Variants in DBX2 observed in about 807,000 individuals in gnomAD.
DBX2 encodes developing brain homeobox 2, also known as homeobox protein DBX2.
In DBX2, 16 loss-of-function variants were observed where a neutral mutation model predicts 17.7. The observed-to-expected ratio is 0.90, with a 90% CI of 0.61 to 1.37. The LOEUF is 1.37. Among genes scored for constraint, DBX2 ranks in the 40% most tolerant of loss-of-function variants. DBX2 has a pLI of 0.00. For synonymous variants in DBX2, 255 were observed against 183.8 expected (o/e 1.39, Z -3.13); for missense variants, 538 against 433.8 (o/e 1.24, Z -2.13).
intron 2 of DBX2, among the ~76,000 whole-genome samples, chr12:45,032,094 G>A (rs567514833): frequency 2.1e-4 from 32 of 149,334 alleles, no homozygotes; most frequent in Non-Finnish European, 3.8e-4. Flanking sequence ...TACTTTCACT[G>A]CCTCTCTAGA....
Position 45,050,607 on chromosome 12 carries a change from C to G in DBX2, c.321G>C (p.Val107=). 1 of 1,550,966 alleles carries G rather than the reference C, an allele frequency of 6.4e-7. No homozygotes were observed. The highest frequency in any genetic ancestry group is 8.7e-7 in the Non-Finnish European group (1 of 1,147,546). The change falls in exon 1 of 4, where the codon GTG becomes GTC. Residue 107 remains valine, a synonymous_variant. Transcript: ENST00000332700. ...TCGCACTGTCCGCAGAGGGACTGAG[C>G]ACTTGAAAAGCCCACCGCGTTCCGT... The part of the protein sequence containing the change: ...APYGTRWAFQ[V]LSPSADSARL...
rs545480732 is a variant in DBX2 at position 45,049,936 on chromosome 12, G to T, written c.403+589C>A. 1.2e-3 allele frequency among the ~76,000 whole-genome samples: 185 copies of T among 152,200 alleles called. 1 individual carries two copies. The highest frequency in any genetic ancestry group is 3.8e-3 in the African/African-American group (158 of 41,514). ...TTCAGCTCAGCACAAATAAAAAGTC[G>T]GCCTTCATTTCTTTGCGCCTAAAGT... On this transcript the variant is annotated intron_variant, in intron 1 of 3. Coordinates refer to ENST00000332700, the MANE Select transcript of DBX2 (RefSeq NM_001004329.3).
chr12:45,044,354 A>C (rs1056915335), intron 1 of DBX2, among the ~76,000 whole-genome samples: 1 of 152,200 alleles, frequency 6.6e-6, no homozygotes, highest in Non-Finnish European at 1.5e-5. Context: ...TTTAATGTAC[A>C]TAAATTTTCT....
Position 45,015,376 on chromosome 12 carries a change from T to A in DBX2, c.*910A>T, listed in dbSNP as rs963505764. On this transcript the variant is annotated 3_prime_UTR_variant, in exon 4 of 4. Coordinates refer to ENST00000332700, the MANE Select transcript of DBX2 (RefSeq NM_001004329.3). ...AGAACTGTGACACCACGGCTTTCTT[T>A]AGTCTTAGCCAGAGGTCACAAACTT... The A allele has an allele frequency of 2.0e-5, 3 of 152,350 alleles. No individual in the cohort carries two copies. Among genetic ancestry groups the A allele is most frequent in the African/African-American group, 7.2e-5 (3 of 41,590 alleles). 9.4% of individuals were successfully genotyped at this position (152,350 alleles called of 1,614,324 possible).
At chr12:45,024,854 G>T (rs530257957) in intron 2 of DBX2, among the ~76,000 whole-genome samples, 1 of 152,306 alleles carries the variant, frequency 6.6e-6, no homozygotes, top group Non-Finnish European at 1.5e-5. Context: ...GAGAAGAGAA[G>T]AGAGAACTGA....
At chr12:45,050,442 G>A in intron 1 of DBX2, 83 bp downstream of exon 1, 4 of 1,492,540 alleles carry the variant, frequency 2.7e-6, no homozygotes, top group Non-Finnish European at 1.8e-6. Context: ...GGCGCAGTGC[G>A]CACCGCCGGC....
At chr12:45,029,836 G>T (rs1057204710) in intron 2 of DBX2, among the ~76,000 whole-genome samples, 1 of 150,806 alleles carries the variant, frequency 6.6e-6, no homozygotes, top group Admixed American at 6.6e-5. Context: ...TGCACTCCAG[G>T]CTAGACGGCA....
At chr12:45,035,891 C>A in intron 2 of DBX2, 128 bp downstream of exon 2, 1 of 844,720 alleles carries the variant, frequency 1.2e-6, no homozygotes, top group Non-Finnish European at 1.8e-6. Flanking sequence ...AATAAGATCG[C>A]TGTGACTTTT....
Position 45,050,855 on chromosome 12 carries a change from G to C in DBX2, c.73C>G (p.Leu25Val). Residue 25 changes from leucine (L) to valine (V), a missense_variant, in exon 1 of 4, where the codon CTC becomes GTC. By Grantham distance (32) the Leu-to-Val change is conservative. Transcript: ENST00000332700. Reference sequence around the variant, plus strand: ...TTGCCAAAGCCGGGCGCAGCGGGGAGGTTGAGGAGCGCGGAGGAAGCCACA... The same window carrying C: ...TTGCCAAAGCCGGGCGCAGCGGGGACGTTGAGGAGCGCGGAGGAAGCCACA... ...DVVASSALLN[L>V]PAAPGFGNLG... The C allele has an allele frequency of 6.5e-7, 1 of 1,538,608 alleles. No individual in the cohort carries two copies.
chr12:45,034,634 C>G (rs192752074), intron 2 of DBX2, among the ~76,000 whole-genome samples: 95 of 152,268 alleles, frequency 6.2e-4, no homozygotes, highest in African/African-American at 2.2e-3. Flanking sequence ...TTCAGCAAGT[C>G]CCTGTATACA....
intron 1 of DBX2, among the ~76,000 whole-genome samples, chr12:45,040,826 T>C (rs1946467279): frequency 6.6e-6 from 1 of 152,120 alleles, no homozygotes; most frequent in Admixed American, 6.6e-5. Flanking sequence ...CCTTTAGTAA[T>C]GGAGAAGAAC....
chr12:45,044,406 A>C (rs1946488097), intron 1 of DBX2, among the ~76,000 whole-genome samples: 1 of 152,166 alleles, frequency 6.6e-6, no homozygotes, highest in African/African-American at 2.4e-5. Flanking sequence ...TTTAATTTTA[A>C]AAATAATAGA....
At chr12:45,029,908 A>AAATAAATAAATC (rs1163517748) in intron 2 of DBX2, among the ~76,000 whole-genome samples, 1 of 150,754 alleles carries the variant, frequency 6.6e-6, no homozygotes, top group South Asian at 2.1e-4. Flanking sequence ...ATAAATAAAT[A>AAATAAATAAATC]AATAAAAATA....
intron 1 of DBX2, among the ~76,000 whole-genome samples, chr12:45,041,011 G>T (rs1378019413): frequency 6.7e-6 from 1 of 148,394 alleles, no homozygotes; most frequent in Non-Finnish European, 1.5e-5. Flanking sequence ...ATGATAGAAG[G>T]TTCCAAAGTA....
chr12:45,017,029 G>C (rs1946327955), intron 3 of DBX2, among the ~76,000 whole-genome samples: 1 of 151,898 alleles, frequency 6.6e-6, no homozygotes, highest in Admixed American at 6.6e-5. Context: ...CAAACAATCT[G>C]CCCGCCTTGG....
At chr12:45,045,213 C>A (rs1232773000) in intron 1 of DBX2, among the ~76,000 whole-genome samples, 1 of 152,106 alleles carries the variant, frequency 6.6e-6, no homozygotes, top group Non-Finnish European at 1.5e-5. Flanking sequence ...AAAGTTGTGT[C>A]CTTTCATTGT....
At chr12:45,026,150 C>T (rs946072862) in intron 2 of DBX2, among the ~76,000 whole-genome samples, 1 of 152,152 alleles carries the variant, frequency 6.6e-6, no homozygotes, top group African/African-American at 2.4e-5. Context: ...GAGTGAGTAG[C>T]AGGTGCCTCT....
At chr12:45,048,752 T>C (rs1265541294) in intron 1 of DBX2, among the ~76,000 whole-genome samples, 1 of 152,222 alleles carries the variant, frequency 6.6e-6, no homozygotes, top group Non-Finnish European at 1.5e-5. Flanking sequence ...CAAGAATAAT[T>C]TGTTAAAAAA....
chr12:45,051,043 G>A lies in DBX2; in HGVS notation c.-116C>T, dbSNP rs1314417034. ...CCGCCGCCTCCCGCAGGGCTGGAGC[G>A]CGCGGAGCCAGGCAGGGAGGAAAGG... On this transcript the variant is annotated 5_prime_UTR_variant, in exon 1 of 4. Coordinates refer to ENST00000332700, the MANE Select transcript of DBX2 (RefSeq NM_001004329.3). The A allele has an allele frequency of 1.6e-5, 20 of 1,243,342 alleles. No individual in the cohort carries two copies. Among genetic ancestry groups the A allele is most frequent in the Non-Finnish European group, 1.9e-5 (19 of 983,028 alleles). The allele number at this position is 1,243,342 out of a possible 1,614,324, so 77.0% of individuals were successfully genotyped here.
Sources: allele counts gnomAD v4.1 joint callset (sites outside exome capture counted in the v4.1 genomes callset), GRCh38; gene constraint gnomAD v4.1.1; transcripts MANE v1.5; gene names NCBI Gene and HGNC (gene_info 2026-07-23, HGNC 2026-07-21).